Variants in ZSCAN25 observed in about 807,000 individuals in gnomAD.
ZSCAN25 encodes the protein zinc finger and SCAN domain-containing protein 25.
In ZSCAN25, 27 loss-of-function variants were observed where a neutral mutation model predicts 38.7. That is an observed-to-expected ratio of 0.70 (90% CI 0.51 to 0.96). The LOEUF is 0.96. Ranked by LOEUF, ZSCAN25 falls within the 40% of genes least tolerant of loss-of-function variation. The pLI, the probability that ZSCAN25 is intolerant of heterozygous loss-of-function variation, is 0.00. For missense variants in ZSCAN25, 637 were observed against 705.9 expected, an observed-to-expected ratio of 0.90 and a Z score of 1.11; for synonymous variants, 273 against 277.7, an observed-to-expected ratio of 0.98 and a Z score of 0.17.
the ZSCAN25 span, chr7:99,665,096 C>T: frequency 1.5e-5 from 19 of 1,281,864 alleles, no homozygotes; most frequent in Middle Eastern, 1.9e-4. Flanking sequence ...ATGAATTATA[C>T]GATATGTGAA....
the ZSCAN25 span, among the ~76,000 whole-genome samples, chr7:99,681,325 TG>T: frequency 6.6e-6 from 1 of 152,210 alleles, no homozygotes; most frequent in African/African-American, 2.4e-5. Context: ...ATACCCAGCA[TG>T]GGGATTTCTG....
intron 4 of ZSCAN25, chr7:99,621,094 C>T (rs979837556): frequency 1.8e-5 from 5 of 278,314 alleles, no homozygotes; most frequent in Non-Finnish European, 3.3e-5. Flanking sequence ...GTGTTAAAAT[C>T]CTCAGCAGGA....
chr7:99,622,582 C>T lies in ZSCAN25; in HGVS notation c.623C>T (p.Pro208Leu). ...LPVLQAGPGL[P>L]AVNPRDQEMA... ...GTTCTGCAGGCGGGTCCTGGCCTCC[C>T]CGCAGTGAATCCCAGAGACCAAGAG... is the stretch of plus-strand genomic sequence containing the variant. Residue 208 changes from proline (P) to leucine (L), a missense_variant, in exon 6 of 8, where the codon CCC becomes CTC. Transcript: ENST00000394152. 4 of 1,614,204 alleles carry T rather than the reference C, an allele frequency of 2.5e-6. No individual in the cohort carries two copies. The highest frequency in any genetic ancestry group is 3.4e-6 in the Non-Finnish European group (4 of 1,180,022).
the ZSCAN25 span, among the ~76,000 whole-genome samples, chr7:99,642,447 G>A: frequency 6.6e-6 from 1 of 152,180 alleles, no homozygotes; most frequent in Non-Finnish European, 1.5e-5. Flanking sequence ...CATCAGTCAG[G>A]TGAGAAGGAA....
chr7:99,635,822 C>T (rs1309713091), downstream of ZSCAN25, among the ~76,000 whole-genome samples: 28 of 151,852 alleles, frequency 1.8e-4, no homozygotes, highest in Admixed American at 3.3e-4. Flanking sequence ...CTGAGGCGGG[C>T]GGATCACGAG....
chr7:99,672,991 A>G, the ZSCAN25 span: 3 of 694,916 alleles, frequency 4.3e-6, no homozygotes, highest in Admixed American at 4.6e-5. Flanking sequence ...TGGGTGGTAC[A>G]TACGTGGGTA....
At chr7:99,713,297 G>A in the ZSCAN25 span, among the ~76,000 whole-genome samples, 265 of 152,180 alleles carry the variant, frequency 1.7e-3, 3 homozygotes, top group African/African-American at 5.6e-3. Context: ...GGCTATCTAT[G>A]CCTGCATGCC....
chr7:99,627,441 A>G (rs969276076), intron 7 of ZSCAN25, among the ~76,000 whole-genome samples: 3 of 152,188 alleles, frequency 2.0e-5, no homozygotes, highest in African/African-American at 4.8e-5. Flanking sequence ...CTGTATATCT[A>G]TCTATATATA....
At chr7:99,686,152 G>T in the ZSCAN25 span, among the ~76,000 whole-genome samples, 1 of 152,216 alleles carries the variant, frequency 6.6e-6, no homozygotes, top group African/African-American at 2.4e-5. Context: ...GTGCCAGACA[G>T]TGGGTGCAGG....
At chr7:99,654,743 T>C in the ZSCAN25 span, among the ~76,000 whole-genome samples, 1 of 152,230 alleles carries the variant, frequency 6.6e-6, no homozygotes, top group Non-Finnish European at 1.5e-5. Flanking sequence ...CTCCAGCACC[T>C]GTTGTTTCCT....
the ZSCAN25 span, chr7:99,676,056 T>G: frequency 6.8e-7 from 1 of 1,475,384 alleles, no homozygotes; most frequent in Admixed American, 1.7e-5. Flanking sequence ...TTTTTACTGA[T>G]GGAACTAAGC....
chr7:99,694,732 G>A, the ZSCAN25 span, among the ~76,000 whole-genome samples: 5 of 145,782 alleles, frequency 3.4e-5, no homozygotes, highest in Non-Finnish European at 5.9e-5. Context: ...ACAAGCCTCA[G>A]GTATGCGGGA....
chr7:99,677,484 T>C, the ZSCAN25 span, among the ~76,000 whole-genome samples: 1 of 152,356 alleles, frequency 6.6e-6, no homozygotes, highest in Non-Finnish European at 1.5e-5. Context: ...AGATAAGTAA[T>C]GATAAAACGT....
chr7:99,671,003 C>G, the ZSCAN25 span: 1 of 151,998 alleles, frequency 6.6e-6, no homozygotes, highest in South Asian at 2.1e-4. Flanking sequence ...GGAACCTGTT[C>G]AATGATTTTG....
chr7:99,725,081 G>A, the ZSCAN25 span, among the ~76,000 whole-genome samples: 10 of 152,088 alleles, frequency 6.6e-5, no homozygotes, highest in Non-Finnish European at 1.3e-4. Flanking sequence ...AGATTACATG[G>A]TCTCCTGCCT....
chr7:99,636,046 CAAAA>C (rs780898445), downstream of ZSCAN25, among the ~76,000 whole-genome samples: 4 of 43,404 alleles, frequency 9.2e-5, no homozygotes, highest in African/African-American at 2.1e-4. Context: ...GACTCCATCT[CAAAA>C]AAAAAAAAAA....
At chr7:99,695,705 C>G in the ZSCAN25 span, 15 of 1,553,398 alleles carry the variant, frequency 9.7e-6, no homozygotes, top group Non-Finnish European at 1.3e-5. Context: ...GCTGCTCTCT[C>G]CAATCATAAG....
downstream of ZSCAN25, among the ~76,000 whole-genome samples, chr7:99,633,343 C>T (rs1441872079): frequency 6.6e-6 from 1 of 152,192 alleles, no homozygotes; most frequent in Non-Finnish European, 1.5e-5. Context: ...AGATCTGCTT[C>T]TTTCGTTAGT....
Position 99,619,912 on chromosome 7 carries a change from C to G in ZSCAN25, c.306C>G (p.Ile102Met). The change falls in exon 4 of 8, where the codon ATC (isoleucine) becomes ATG (methionine). Residue 102 changes from isoleucine (I) to methionine (M), a missense_variant. Ile to Met is a conservative substitution (Grantham distance 10, BLOSUM62 1). Transcript: ENST00000394152. ...TILPREFYAW[I>M]REHGPESGKA... Reference sequence around the variant, plus strand: ...TGCCCCGCGAGTTCTACGCCTGGATCCGGGAGCATGGCCCAGAGAGTGGCA... The same window carrying G: ...TGCCCCGCGAGTTCTACGCCTGGATGCGGGAGCATGGCCCAGAGAGTGGCA... 6.2e-7 allele frequency: 1 copy of G among 1,614,216 alleles called. No homozygotes were observed. Among genetic ancestry groups the G allele is most frequent in the Non-Finnish European group, 8.5e-7 (1 of 1,180,044 alleles).
Sources: gnomAD v4.1 joint callset for allele counts (sites outside exome capture counted in the v4.1 genomes callset) on GRCh38, gnomAD v4.1.1 for gene constraint, MANE v1.5 for transcripts, NCBI Gene and HGNC (gene_info 2026-07-23, HGNC 2026-07-21) for gene names.